Variants in STON1 observed in about 807,000 individuals in gnomAD.
STON1 encodes stonin-1.
A neutral mutation model predicts 60.9 loss-of-function variants in STON1; 79 were observed. The ratio of observed to expected loss-of-function variants is 1.30; its 90% CI spans 1.08 to 1.56. STON1 has a LOEUF of 1.56. Among genes scored for constraint, STON1 ranks in the 40% most tolerant of loss-of-function variants. The pLI, the probability that STON1 is intolerant of heterozygous loss-of-function variation, is 0.00. For synonymous variants in STON1, 363 were observed against 306.9 expected (o/e 1.18, Z -1.91); for missense variants, 1,166 against 858.9 (o/e 1.36, Z -4.47).
At chr2:48,574,469 C>T (rs913266398) in intron 1 of STON1, among the ~76,000 whole-genome samples, 1 of 151,946 alleles carries the variant, frequency 6.6e-6, no homozygotes, top group African/African-American at 2.4e-5. Context: ...CTAAAAGCCA[C>T]TGAACTGACA....
intron 1 of STON1, among the ~76,000 whole-genome samples, chr2:48,573,433 G>A (rs991649523): frequency 6.6e-6 from 1 of 152,206 alleles, no homozygotes; most frequent in African/African-American, 2.4e-5. Context: ...AGCCGCCATA[G>A]CATCACTTTG....
chr2:48,577,089 G>A (rs988030010), intron 1 of STON1, among the ~76,000 whole-genome samples: 7 of 151,446 alleles, frequency 4.6e-5, no homozygotes, highest in Non-Finnish European at 7.4e-5. Flanking sequence ...CAGAAATACC[G>A]TTTGCAAATA....
intron 3 of STON1, 59 bp from the exon 4 acceptor site, chr2:48,595,169 A>G: frequency 7.7e-7 from 1 of 1,295,240 alleles, no homozygotes; most frequent in Non-Finnish European, 1.1e-6. Flanking sequence ...AGGACTGAAG[A>G]GGTGTGAGTG....
chr2:48,536,760 A>G (rs1671450838), intron 1 of STON1, among the ~76,000 whole-genome samples: 1 of 152,188 alleles, frequency 6.6e-6, no homozygotes, highest in Admixed American at 6.5e-5. Flanking sequence ...TAATACTGAC[A>G]TCTTTACAGT....
chr2:48,591,236 A>G (rs1204436278), intron 2 of STON1, among the ~76,000 whole-genome samples: 2 of 149,848 alleles, frequency 1.3e-5, no homozygotes, highest in Non-Finnish European at 3.0e-5. Context: ...ATAAATATTT[A>G]GCAAATTATA....
intron 1 of STON1, chr2:48,531,868 A>C (rs1047314065): frequency 6.6e-6 from 1 of 152,234 alleles, no homozygotes; most frequent in Admixed American, 6.5e-5. Context: ...CCCCTTAAAA[A>C]ACAGGTCCAA....
At chr2:48,561,744 G>C (rs1672622620) in intron 1 of STON1, among the ~76,000 whole-genome samples, 1 of 152,238 alleles carries the variant, frequency 6.6e-6, no homozygotes, top group Admixed American at 6.5e-5. Context: ...GCTCCTGTTT[G>C]AGACCCATTG....
At chr2:48,561,225 C>A (rs977564744) in intron 1 of STON1, among the ~76,000 whole-genome samples, 1 of 152,230 alleles carries the variant, frequency 6.6e-6, no homozygotes, top group South Asian at 2.1e-4. Flanking sequence ...GTGCATAAAA[C>A]CAGCTCCCTG....
chr2:48,589,077 G>T (rs1674371059), intron 2 of STON1, among the ~76,000 whole-genome samples: 1 of 152,038 alleles, frequency 6.6e-6, no homozygotes, highest in East Asian at 1.9e-4. Context: ...GAATGAGAGT[G>T]GTGGAGGAGC....
intron 1 of STON1, among the ~76,000 whole-genome samples, chr2:48,578,226 C>T (rs13031184): frequency 0.33 from 49,431 of 152,036 alleles, 8,173 homozygotes; most frequent in East Asian, 0.42. Flanking sequence ...ATCCACCCAC[C>T]TTGGCCTCCC....
At chr2:48,544,541 TTTTTG>T (rs563633413) in intron 1 of STON1, among the ~76,000 whole-genome samples, 2 of 152,016 alleles carry the variant, frequency 1.3e-5, no homozygotes, top group African/African-American at 2.4e-5. Flanking sequence ...TTGTTTTCGT[TTTTTG>T]TTTTGTTTTG....
At chr2:48,534,382 T>G (rs527812570) in intron 1 of STON1, among the ~76,000 whole-genome samples, 1 of 152,284 alleles carries the variant, frequency 6.6e-6, no homozygotes, top group Non-Finnish European at 1.5e-5. Context: ...AGCCACTAAG[T>G]GCTGGAATCA....
intron 2 of STON1, among the ~76,000 whole-genome samples, chr2:48,590,475 T>C (rs2103953598): frequency 6.6e-6 from 1 of 152,336 alleles, no homozygotes; most frequent in Middle Eastern, 3.4e-3. Context: ...AGTGGTACAG[T>C]AATTTAATCT....
Position 48,574,711 on chromosome 2 carries a change from T to C in STON1, c.-47-5876T>C, listed in dbSNP as rs536414700. On this transcript the variant is annotated intron_variant, in intron 1 of 3. Transcript: ENST00000404752. ...GTGTAAACCTCACATATTTTTGGAC[T>C]GTCAATGGGTTATAAGTTCATTATA... is the stretch of plus-strand genomic sequence containing the variant. 9.8e-5 allele frequency among the ~76,000 whole-genome samples: 15 copies of C among 152,354 alleles called. 1 individual carries two copies. In the South Asian group the frequency reaches 3.1e-3, roughly 32 times the overall value.
At chr2:48,558,696 A>C (rs1348233667) in intron 1 of STON1, among the ~76,000 whole-genome samples, 1 of 152,170 alleles carries the variant, frequency 6.6e-6, no homozygotes. Flanking sequence ...TATAGTGGCA[A>C]AGGGCTTGTT....
Position 48,564,480 on chromosome 2 carries a change from T to C in STON1, c.-47-16107T>C, listed in dbSNP as rs200469214. On this transcript the variant is annotated intron_variant, in intron 1 of 3. Transcript: ENST00000404752. ...CTTCTTCTTCTTCTTCTTCTTCTTC[T>C]TTCTTCTTCTTCTTCTTCTTCTTCT... Among the ~76,000 whole-genome samples, 119 of 32,442 alleles carry C rather than the reference T, an allele frequency of 3.7e-3. 3 individuals are homozygous for C. The highest frequency in any genetic ancestry group is 9.5e-3 in the African/African-American group (82 of 8,652). 21.3% of individuals were successfully genotyped at this position (32,442 alleles called of 152,430 possible). A position where few individuals can be genotyped will look rare whatever the true frequency, so the allele number is the denominator to read the frequency against.
At chr2:48,593,197 C>A (rs961052319) in intron 3 of STON1, among the ~76,000 whole-genome samples, 1 of 151,528 alleles carries the variant, frequency 6.6e-6, no homozygotes, top group African/African-American at 2.4e-5. Flanking sequence ...CTCACTGCAA[C>A]CTCCGCTTCC....
At chr2:48,538,036 C>T (rs1306841992) in intron 1 of STON1, among the ~76,000 whole-genome samples, 1 of 151,758 alleles carries the variant, frequency 6.6e-6, no homozygotes, top group South Asian at 2.1e-4. Flanking sequence ...TCACTGCAAC[C>T]TCCGACTCCC....
At chr2:48,592,467 T>A (rs1674576277) in intron 3 of STON1, among the ~76,000 whole-genome samples, 1 of 151,634 alleles carries the variant, frequency 6.6e-6, no homozygotes. Flanking sequence ...CATCTCACTC[T>A]GTCACCCAGG....
Sources: gnomAD v4.1 joint callset for allele counts (sites outside exome capture counted in the v4.1 genomes callset) on GRCh38, gnomAD v4.1.1 for gene constraint, MANE v1.5 for transcripts, NCBI Gene and HGNC (gene_info 2026-07-23, HGNC 2026-07-21) for gene names.